The following BMX variants were observed in gnomAD, a reference collection of about 807,000 sequenced individuals.
BMX encodes the protein BMX non-receptor tyrosine kinase, also known as cytoplasmic tyrosine-protein kinase BMX.
In BMX, 31 loss-of-function variants were observed where a neutral mutation model predicts 59.2. The observed-to-expected ratio is 0.52, with a 90% confidence interval of 0.39 to 0.71. The LOEUF (loss-of-function observed/expected upper bound fraction) is 0.71, where lower values mean the gene tolerates loss of function less well. BMX is among the 30% of genes least tolerant of loss of function. The pLI, the probability that BMX is intolerant of heterozygous loss-of-function variation, is 0.00. For synonymous variants in BMX, 185 were observed against 181.0 expected (o/e 1.02, Z -0.18); for missense variants, 474 against 491.7 (o/e 0.96, Z 0.34).
Position 15,522,423 on chromosome X carries a change from C to T in BMX, c.588C>T (p.Asn196=), listed in dbSNP as rs774649678. The T allele has an allele frequency of 1.4e-5, 17 of 1,210,581 alleles. No homozygotes were observed. The highest frequency in any genetic ancestry group is 5.3e-5 in the South Asian group (3 of 56,907). The change falls in exon 7 of 19, where the codon AAC becomes AAT. Residue 196 remains asparagine (N), a synonymous_variant. Coordinates refer to ENST00000348343, the MANE Select transcript of BMX (RefSeq NM_203281.3). ...SSSTTLAQYD[N]ESKKNYGSQP... is the part of the protein sequence containing the mutation. ...GTACCACTCTAGCCCAATATGACAACGAATCAAAGAAAAACTATGGCTCCC... is the reference window on the plus strand; with the variant it reads ...GTACCACTCTAGCCCAATATGACAATGAATCAAAGAAAAACTATGGCTCCC...
intron 17 of BMX, 143 bp from the exon 18 acceptor site, chrX:15,549,697 C>T (rs764441100): frequency 1.5e-4 from 98 of 653,491 alleles, no homozygotes; most frequent in Non-Finnish European, 2.0e-4. Flanking sequence ...CTGCTCATTT[C>T]GCTGGGACTC....
intron 17 of BMX, among the ~76,000 whole-genome samples, chrX:15,549,175 C>T (rs1926080139): frequency 9.0e-6 from 1 of 110,604 alleles, no homozygotes; most frequent in African/African-American, 3.3e-5. Flanking sequence ...CTGGGGACTG[C>T]AATTTCCTGG....
At chrX:15,504,238 A>G (rs1035534629) in intron 1 of BMX, among the ~76,000 whole-genome samples, 3 of 112,016 alleles carry the variant, frequency 2.7e-5, no homozygotes, top group Admixed American at 9.5e-5. Context: ...TTTTTAAAAC[A>G]TAGTTGGTAC....
chrX:15,527,265 TATATATATATATATATATAC>T (rs1924815777), intron 9 of BMX, among the ~76,000 whole-genome samples: 1 of 58,759 alleles, frequency 1.7e-5, no homozygotes, highest in African/African-American at 7.2e-5. Context: ...TATATATATA[TATATATATATATATATATAC>T]ACACACACAC....
chrX:15,516,171 A>C lies in BMX; in HGVS notation c.385A>C (p.Lys129Gln). The stretch of plus-strand genomic sequence containing the variant: ...CCATAGTGGGTTCTTCGTGGACGGG[A>C]AGTTCCTGTGTTGCCAGCAGAGCTG... Reference protein sequence around the residue: ...KYHSGFFVDGKFLCCQQSCKA... With the variant: ...KYHSGFFVDGQFLCCQQSCKA... Residue 129 changes from lysine to glutamine, a missense_variant, in exon 5 of 19, where the codon AAG (lysine) becomes CAG (glutamine). Lys to Gln is a moderately conservative substitution (Grantham distance 53). Coordinates refer to ENST00000348343, the MANE Select transcript of BMX (RefSeq NM_203281.3). 8.3e-7 allele frequency: 1 copy of C among 1,211,253 alleles called. No homozygotes were observed. The highest frequency in any genetic ancestry group is 1.8e-5 in the South Asian group (1 of 56,963).
chrX:15,501,736 G>A (rs991539155), intron 1 of BMX, among the ~76,000 whole-genome samples: 3 of 111,742 alleles, frequency 2.7e-5, no homozygotes, highest in African/African-American at 9.8e-5. Context: ...TCACATCCAA[G>A]TATTTATTTG....
intron 11 of BMX, among the ~76,000 whole-genome samples, chrX:15,531,792 C>T (rs1351837189): frequency 1.9e-5 from 2 of 104,662 alleles, no homozygotes; most frequent in Admixed American, 1.1e-4. Flanking sequence ...TAGCCACCTG[C>T]TGAGCAAAGA....
intron 5 of BMX, 64 bp downstream of exon 5, chrX:15,516,295 G>T: frequency 8.6e-7 from 1 of 1,159,273 alleles, no homozygotes; most frequent in South Asian, 2.0e-5. Flanking sequence ...GGCTAAACCT[G>T]CCAGAGGCCA....
At chrX:15,502,065 T>C (rs1004081398) in intron 1 of BMX, among the ~76,000 whole-genome samples, 28 of 111,982 alleles carry the variant, frequency 2.5e-4, no homozygotes, top group Non-Finnish European at 1.7e-4. Flanking sequence ...TTTTAGAATA[T>C]CTACTAGGGT....
chrX:15,509,355 T>C lies in BMX; in HGVS notation c.165T>C (p.Ile55=). The C allele has an allele frequency of 8.3e-7, 1 of 1,206,994 alleles. No individual in the cohort carries two copies. The highest frequency in any genetic ancestry group is 1.1e-6 in the Non-Finnish European group (1 of 893,098). ...AAAGGGGCAGCAGAAAAGGATCCATTGAAATTAAGAAAATCAGATGTGTGG... is the reference window on the plus strand; with the variant it reads ...AAAGGGGCAGCAGAAAAGGATCCATCGAAATTAAGAAAATCAGATGTGTGG... ...KMKRGSRKGS[I]EIKKIRCVEK... Residue 55 remains isoleucine (I), a synonymous_variant, in exon 3 of 19, where the codon ATT becomes ATC. Coordinates refer to ENST00000348343, the MANE Select transcript of BMX (RefSeq NM_203281.3).
intron 14 of BMX, among the ~76,000 whole-genome samples, chrX:15,541,606 A>T (rs1180672093): frequency 8.9e-6 from 1 of 111,793 alleles, no homozygotes; most frequent in Non-Finnish European, 1.9e-5. Context: ...TAAAAGAGAA[A>T]TGATTGTTCT....
intron 13 of BMX, 54 bp from the exon 14 acceptor site, chrX:15,537,080 T>C: frequency 8.6e-7 from 1 of 1,165,363 alleles, no homozygotes; most frequent in Non-Finnish European, 1.2e-6. Flanking sequence ...GGGAAGCTGT[T>C]AGCCCCAAAG....
At chrX:15,548,088 A>C (rs982105766) in intron 17 of BMX, among the ~76,000 whole-genome samples, 36 of 112,605 alleles carry the variant, frequency 3.2e-4, no homozygotes, top group African/African-American at 1.2e-3. Context: ...AAAAAGAAAA[A>C]AAATCACAAA....
chrX:15,512,697 G>A (rs754417581), intron 4 of BMX, among the ~76,000 whole-genome samples: 7 of 112,148 alleles, frequency 6.2e-5, no homozygotes. Context: ...TCAAATAGGA[G>A]ATCACATTTC....
At chrX:15,513,801 A>T (rs1464516283) in intron 4 of BMX, among the ~76,000 whole-genome samples, 1 of 111,235 alleles carries the variant, frequency 9.0e-6, no homozygotes, top group Non-Finnish European at 1.9e-5. Context: ...GTAGTAGAAA[A>T]AGCCTGAGGC....
At chrX:15,553,939 G>T (rs1240039056) in intron 18 of BMX, among the ~76,000 whole-genome samples, 2 of 112,312 alleles carry the variant, frequency 1.8e-5, no homozygotes, top group Non-Finnish European at 1.9e-5. Flanking sequence ...GTGAAGAGGG[G>T]TTTGCACTGA....
chrX:15,522,492 C>A lies in BMX; in HGVS notation c.657C>A (p.Asn219Lys). ...SSTSLAQYDSNSKKIYGSQPN... is the reference protein window; with the variant it reads ...SSTSLAQYDSKSKKIYGSQPN... Reference sequence around the variant, plus strand: ...CCAGTCTAGCGCAATATGACAGCAACTCAAAGAAAATCTATGGCTCCCAGC... The same window carrying A: ...CCAGTCTAGCGCAATATGACAGCAAATCAAAGAAAATCTATGGCTCCCAGC... The change falls in exon 7 of 19, where the codon AAC becomes AAA. Residue 219 changes from asparagine (N) to lysine (K), a missense_variant. By Grantham distance (94) the Asn-to-Lys change is moderately conservative. Coordinates refer to ENST00000348343, the MANE Select transcript of BMX (RefSeq NM_203281.3). 1 of 1,212,172 alleles carries A rather than the reference C, an allele frequency of 8.2e-7. No individual in the cohort carries two copies. Among genetic ancestry groups the A allele is most frequent in the Non-Finnish European group, 1.1e-6 (1 of 895,528 alleles).
At chrX:15,550,160 C>A (rs917985548) in intron 18 of BMX, among the ~76,000 whole-genome samples, 163 bp downstream of exon 18, 4 of 111,595 alleles carry the variant, frequency 3.6e-5, no homozygotes, top group Non-Finnish European at 5.7e-5. Context: ...CTAAAACATG[C>A]GGGTGCCAAA....
Position 15,522,508 on chromosome X carries a change from G to A in BMX, c.673G>A (p.Gly225Ser). The change falls in exon 7 of 19, where the codon GGC becomes AGC. Residue 225 changes from glycine to serine, a missense_variant. By Grantham distance (56) the Gly-to-Ser change is moderately conservative. Coordinates refer to ENST00000348343, the MANE Select transcript of BMX (RefSeq NM_203281.3). Reference sequence around the variant, plus strand: ...TGACAGCAACTCAAAGAAAATCTATGGCTCCCAGCCAAACTTCAACATGCA... The same window carrying A: ...TGACAGCAACTCAAAGAAAATCTATAGCTCCCAGCCAAACTTCAACATGCA... ...QYDSNSKKIY[G>S]SQPNFNMQYI... The A allele has an allele frequency of 8.3e-7, 1 of 1,211,978 alleles. No individual in the cohort carries two copies. Among genetic ancestry groups the A allele is most frequent in the Non-Finnish European group, 1.1e-6 (1 of 895,487 alleles).
Sources: allele counts gnomAD v4.1 joint callset (sites outside exome capture counted in the v4.1 genomes callset), GRCh38; gene constraint gnomAD v4.1.1; transcripts MANE v1.5; gene names NCBI Gene and HGNC (gene_info 2026-07-23, HGNC 2026-07-21).